DYNC2H1: variants seen among roughly 807,000 people sequenced by gnomAD.
DYNC2H1 encodes the protein cytoplasmic dynein 2 heavy chain 1.
DYNC2H1 carries 410 observed loss-of-function variants against 570.0 expected under a neutral mutation model. The observed-to-expected ratio is 0.72, with a 90% CI of 0.66 to 0.78. The LOEUF is 0.78. Among genes scored for constraint, DYNC2H1 ranks in the 30% least tolerant of loss-of-function variants. The probability of loss-of-function intolerance (pLI) is 0.00; values close to 1 mark genes in which losing one functional copy is unlikely to be tolerated. For missense variants in DYNC2H1, 4,865 were observed against 5,046.4 expected (o/e 0.96, Z 1.09); for synonymous variants, 1,688 against 1,677.6 (o/e 1.01, Z -0.15).
intron 66 of DYNC2H1, 65 bp downstream of exon 66, chr11:103,253,513 G>A (rs1864923571): frequency 7.0e-7 from 1 of 1,422,236 alleles, no homozygotes; most frequent in South Asian, 1.4e-5. Flanking sequence ...ATTAGACATT[G>A]TGAGTGAGAA....
intron 40 of DYNC2H1, among the ~76,000 whole-genome samples, chr11:103,183,022 T>A (rs1861916920): frequency 6.6e-6 from 1 of 151,942 alleles, no homozygotes; most frequent in South Asian, 2.1e-4. Context: ...TCCTCCTTTG[T>A]GCTTCTGTAG....
At chr11:103,460,918 T>A (rs1451092523) in intron 87 of DYNC2H1, among the ~76,000 whole-genome samples, 1 of 152,156 alleles carries the variant, frequency 6.6e-6, no homozygotes, top group African/African-American at 2.4e-5. Context: ...AAATATTTAG[T>A]AACATAAATA....
intron 47 of DYNC2H1, among the ~76,000 whole-genome samples, chr11:103,195,311 G>A (rs1209809624): frequency 6.6e-6 from 1 of 152,174 alleles, no homozygotes; most frequent in African/African-American, 2.4e-5. Flanking sequence ...TTACATTTGA[G>A]TCAGTGGTCC....
At chr11:103,290,379 AG>A in intron 75 of DYNC2H1, among the ~76,000 whole-genome samples, 1 of 152,280 alleles carries the variant, frequency 6.6e-6, no homozygotes, top group East Asian at 1.9e-4. Flanking sequence ...TTACTTATGC[AG>A]GGGGAGGAAA....
At chr11:103,408,107 A>AG (rs1358502976) in intron 84 of DYNC2H1, 2 of 151,960 alleles carry the variant, frequency 1.3e-5, no homozygotes, top group African/African-American at 4.8e-5. Context: ...GATCCGGTAT[A>AG]GGGAGGTGAG....
At chr11:103,401,240 C>T (rs1942628634) in intron 84 of DYNC2H1, among the ~76,000 whole-genome samples, 1 of 152,120 alleles carries the variant, frequency 6.6e-6, no homozygotes, top group Admixed American at 6.5e-5. Context: ...GTCCTGTTGT[C>T]ATAATAAATG....
chr11:103,259,822 C>A (rs1040608902), intron 69 of DYNC2H1, 66 bp from the exon 70 acceptor site: 4 of 1,105,138 alleles, frequency 3.6e-6, no homozygotes, highest in African/African-American at 1.6e-5. Flanking sequence ...TCTGGAGGAA[C>A]AATTTATAGG....
intron 80 of DYNC2H1, among the ~76,000 whole-genome samples, chr11:103,317,956 C>T (rs1302304871): frequency 1.3e-5 from 2 of 152,044 alleles, no homozygotes; most frequent in African/African-American, 4.8e-5. Context: ...ATCTTTGTCT[C>T]GTTAACTGTG....
intron 83 of DYNC2H1, among the ~76,000 whole-genome samples, chr11:103,382,311 C>G (rs942757450): frequency 1.3e-5 from 2 of 152,064 alleles, no homozygotes; most frequent in Admixed American, 6.6e-5. Context: ...TTTTTCTGAA[C>G]AAGAGTTGAA....
rs1591397203 is a variant in DYNC2H1 at position 103,199,919 on chromosome 11, A to C, written c.8089-127A>C. 1.5e-6 allele frequency: 1 copy of C among 654,270 alleles called. No individual in the cohort carries two copies. The highest frequency in any genetic ancestry group is 3.2e-5 in the East Asian group (1 of 31,216). 40.5% of individuals were successfully genotyped at this position (654,270 alleles called of 1,614,324 possible). ...GGCTAAAGTTTGATTTTTAATTATT[A>C]AAATGGAAATAAATGAATAAATAAA... On this transcript the variant is annotated intron_variant, in intron 49 of 88. Coordinates refer to ENST00000375735, the MANE Select transcript of DYNC2H1 (RefSeq NM_001377.3). The surrounding 1 kb of genome is among the most constrained non-coding windows in gnomAD (Gnocchi z 4.6).
intron 83 of DYNC2H1, among the ~76,000 whole-genome samples, chr11:103,380,363 TGAG>T (rs1449078530): frequency 6.6e-6 from 1 of 152,138 alleles, no homozygotes; most frequent in African/African-American, 2.4e-5. Flanking sequence ...AAATATCTAT[TGAG>T]GAACTAATAT....
intron 82 of DYNC2H1, among the ~76,000 whole-genome samples, chr11:103,352,316 A>G (rs1457292954): frequency 6.6e-6 from 1 of 151,942 alleles, no homozygotes; most frequent in Non-Finnish European, 1.5e-5. Context: ...GTAATTTATA[A>G]GTTTTACTCA....
chr11:103,307,981 T>TA lies in DYNC2H1; in HGVS notation c.11493+154dup, dbSNP rs1867377792. On this transcript the variant is annotated intron_variant, in intron 78 of 88. Coordinates refer to ENST00000375735, the MANE Select transcript of DYNC2H1 (RefSeq NM_001377.3). The stretch of plus-strand genomic sequence containing the variant: ...ACATAGATAATAGCATAAGATGATG[T>TA]AAAATACATTTAAATCTTTTCAAAT... 5 of 422,398 alleles carry TA rather than the reference T, an allele frequency of 1.2e-5. No individual in the cohort carries two copies. The Admixed American group carries it at 1.3e-4, about 11-fold the overall frequency. The allele number at this position is 422,398 out of a possible 1,614,324, so 26.2% of individuals were successfully genotyped here. A position where few individuals can be genotyped will look rare whatever the true frequency, so the allele number is the denominator to read the frequency against.
rs1591342386 is a variant in DYNC2H1 at position 103,163,219 on chromosome 11, G to C, written c.4611+72G>C. On this transcript the variant is annotated intron_variant, in intron 30 of 88. Transcript: ENST00000375735. This position sits in a 1 kb window ranked among gnomAD's most constrained non-coding sequence, Gnocchi z 4.6. ...AGATCCCTGACCTAGAAGCCAGGAGGCTCAGATAAATCGCATCTGTTTTCT... is the reference window on the plus strand; with the variant it reads ...AGATCCCTGACCTAGAAGCCAGGAGCCTCAGATAAATCGCATCTGTTTTCT... The C allele has an allele frequency of 4.0e-6, 6 of 1,499,280 alleles. No individual in the cohort carries two copies. The East Asian group carries it at 9.4e-5, about 23-fold the overall frequency. 92.9% of individuals were successfully genotyped at this position (1,499,280 alleles called of 1,614,324 possible). A position where few individuals can be genotyped will look rare whatever the true frequency, so the allele number is the denominator to read the frequency against.
intron 84 of DYNC2H1, among the ~76,000 whole-genome samples, chr11:103,431,141 A>T (rs1168441053): frequency 2.0e-5 from 3 of 151,650 alleles, no homozygotes; most frequent in Non-Finnish European, 4.4e-5. Context: ...GACATCTTTC[A>T]TGAAATGCAT....
chr11:103,477,270 A>G (rs1180302897), intron 88 of DYNC2H1, among the ~76,000 whole-genome samples: 1 of 152,212 alleles, frequency 6.6e-6, no homozygotes, highest in Non-Finnish European at 1.5e-5. Flanking sequence ...ATCTGTGACA[A>G]CTTTGCCACT....
intron 73 of DYNC2H1, 118 bp from the exon 74 acceptor site, chr11:103,286,136 AG>A: frequency 7.5e-7 from 1 of 1,327,810 alleles, no homozygotes; most frequent in Middle Eastern, 2.3e-4. Flanking sequence ...GGCAACACAA[AG>A]TAGAAGAGTA....
chr11:103,477,098 C>T (rs182176677), intron 88 of DYNC2H1, among the ~76,000 whole-genome samples: 80 of 152,130 alleles, frequency 5.3e-4, no homozygotes, highest in African/African-American at 1.7e-3. Context: ...AACTGATGTT[C>T]GGAGAGTAAC....
intron 61 of DYNC2H1, 54 bp downstream of exon 61, chr11:103,234,214 ATAATG>A: frequency 3.3e-6 from 5 of 1,525,522 alleles, no homozygotes; most frequent in Non-Finnish European, 4.4e-6. Context: ...CAGGAAATCT[ATAATG>A]TAATGTATGT....
Sources: allele counts gnomAD v4.1 joint callset (sites outside exome capture counted in the v4.1 genomes callset), GRCh38; gene constraint gnomAD v4.1.1; non-coding constraint Gnocchi (gnomAD v3.1); transcripts MANE v1.5; gene names NCBI Gene and HGNC (gene_info 2026-07-23, HGNC 2026-07-21).